Variants in SYNE1 observed in about 807,000 individuals in gnomAD.
SYNE1 encodes the protein spectrin repeat containing nuclear envelope protein 1.
Under a neutral mutation model 1,111.0 loss-of-function variants are expected in SYNE1, and 616 were observed. The ratio of observed to expected loss-of-function variants is 0.55; its 90% confidence interval spans 0.52 to 0.59. SYNE1 has a LOEUF of 0.59. SYNE1 is among the 20% of genes least tolerant of loss of function. The probability of loss-of-function intolerance (pLI) is 0.00; values close to 1 mark genes in which losing one functional copy is unlikely to be tolerated. For synonymous variants in SYNE1, 3,855 were observed against 3,825.8 expected, an observed-to-expected ratio of 1.01 and a Z score of -0.28; for missense variants, 10,006 against 10,417.0, an observed-to-expected ratio of 0.96 and a Z score of 1.72.
chr6:152,401,416 G>A (rs748910634), intron 46 of SYNE1, 75 bp from the exon 47 acceptor site: 13 of 1,442,664 alleles, frequency 9.0e-6, no homozygotes, highest in South Asian at 2.3e-5. Flanking sequence ...TTCTGTTCAC[G>A]TGCAGCTTAA....
intron 126 of SYNE1, among the ~76,000 whole-genome samples, chr6:152,203,474 C>T (rs1225736257): frequency 3.3e-5 from 5 of 152,140 alleles, no homozygotes; most frequent in Admixed American, 1.3e-4. Context: ...CTCCATACAC[C>T]GTGAATTACA....
chr6:152,386,146 A>T (rs2097523849), intron 54 of SYNE1, among the ~76,000 whole-genome samples: 1 of 152,178 alleles, frequency 6.6e-6, no homozygotes, highest in Non-Finnish European at 1.5e-5. Flanking sequence ...TAACCATTCT[A>T]ATTAAAGCAA....
At position 152,269,144 on chromosome 6, in the gene SYNE1, A is replaced by C; in HGVS notation, c.18705+11T>G. 6.2e-7 allele frequency: 1 copy of C among 1,614,190 alleles called. No homozygotes were observed. Among genetic ancestry groups the C allele is most frequent in the African/African-American group, 1.3e-5 (1 of 75,050 alleles). On this transcript the variant is annotated intron_variant, in intron 99 of 145. Transcript: ENST00000367255. ...GATCTGCAAGCTAGAGAGAGGTAGG[A>C]AACACTTTACTTTTTGTTGCTGGAG...
chr6:152,602,425 C>A (rs1202395234), intron 3 of SYNE1, among the ~76,000 whole-genome samples: 2 of 152,120 alleles, frequency 1.3e-5, no homozygotes, highest in East Asian at 3.9e-4. Flanking sequence ...GAAGGAGTCA[C>A]CCTACTGAAA....
In SYNE1 at chr6:152,383,938, T is replaced by C. The variant is rs139856516; in HGVS notation, c.8652+1736A>G. 5.5e-3 allele frequency among the ~76,000 whole-genome samples: 837 copies of C among 152,330 alleles called. 3 individuals are homozygous for C. Among genetic ancestry groups the C allele is most frequent in the South Asian group, 8.1e-3 (39 of 4,822 alleles). On this transcript the variant is annotated intron_variant, in intron 55 of 145. Transcript: ENST00000367255. ...TTTTCCTCAGGTGGTAATAGTCCTG[T>C]GGATTCTAGGCAAAGACTTGACCAT...
intron 16 of SYNE1, among the ~76,000 whole-genome samples, chr6:152,470,003 C>T (rs544416603): frequency 5.3e-5 from 8 of 152,158 alleles, no homozygotes; most frequent in South Asian, 2.1e-4. Context: ...AAAAGAAACA[C>T]GAGTGATAAG....
intron 3 of SYNE1, among the ~76,000 whole-genome samples, chr6:152,551,387 C>T (rs1039135213): frequency 6.6e-6 from 1 of 152,144 alleles, no homozygotes; most frequent in East Asian, 1.9e-4. Context: ...CAGACTCTTA[C>T]CCTAATCTAA....
intron 15 of SYNE1, 135 bp downstream of exon 15, chr6:152,472,166 A>C: frequency 1.4e-6 from 1 of 725,910 alleles, no homozygotes. Flanking sequence ...AGCATGTCTT[A>C]TGGGAGCCCG....
Position 152,404,295 on chromosome 6 carries a change from G to A in SYNE1, c.6743C>T (p.Ala2248Val). The A allele has an allele frequency of 6.2e-7, 1 of 1,612,034 alleles. No homozygotes were observed. The highest frequency in any genetic ancestry group is 2.2e-5 in the East Asian group (1 of 44,716). Residue 2248 changes from alanine to valine, a missense_variant, in exon 46 of 146, where the codon GCA becomes GTA. Ala to Val is a moderately conservative substitution (Grantham distance 64, BLOSUM62 0). Around this residue, in one of 7 missense-constraint regions of SYNE1, gnomAD observed 4,955 missense variants for 5,017.2 expected, o/e 0.99. Transcript: ENST00000367255. ...GGAATGCAGTTCTTCCAATCTCAAT[G>A]CTTTGTTTTTAACTTCAGACTGCCA... ...KEFESEVKNK[A>V]LRLEELHSKV...
intron 3 of SYNE1, among the ~76,000 whole-genome samples, chr6:152,551,983 C>T (rs2099348592): frequency 6.6e-6 from 1 of 152,190 alleles, no homozygotes; most frequent in Admixed American, 6.5e-5. Flanking sequence ...GTTATGAGCT[C>T]TTAGCAATAC....
chr6:152,175,395 G>T (rs1405232400), intron 130 of SYNE1, among the ~76,000 whole-genome samples: 4 of 152,204 alleles, frequency 2.6e-5, no homozygotes, highest in African/African-American at 9.6e-5. Context: ...CACATGGTAC[G>T]CAGAGGACAT....
At chr6:152,465,760 A>AACACACACACACACACACAC (rs113781129) in intron 17 of SYNE1, among the ~76,000 whole-genome samples, 43 of 133,314 alleles carry the variant, frequency 3.2e-4, no homozygotes, top group African/African-American at 1.2e-3. Context: ...CTCTTAGAAG[A>AACACACACACACACACACAC]ACACATACAC....
intron 126 of SYNE1, among the ~76,000 whole-genome samples, chr6:152,204,844 C>T (rs1384454125): frequency 1.3e-5 from 2 of 152,102 alleles, no homozygotes; most frequent in Non-Finnish European, 2.9e-5. Flanking sequence ...GTGACTCAGA[C>T]ATCATGCCTT....
intron 3 of SYNE1, among the ~76,000 whole-genome samples, chr6:152,591,407 G>A (rs2099564552): frequency 1.3e-5 from 2 of 152,172 alleles, no homozygotes; most frequent in South Asian, 4.1e-4. Context: ...CAAGCAATGG[G>A]AAAAGGACTT....
At chr6:152,169,650 CA>C (rs2064659371) in intron 130 of SYNE1, among the ~76,000 whole-genome samples, 1 of 54,472 alleles carries the variant, frequency 1.8e-5, no homozygotes, top group African/African-American at 7.1e-5. Context: ...AAAAAAAAAT[CA>C]AAAGATTATC....
rs1177056355 is a variant in SYNE1 at position 152,207,490 on chromosome 6, T to C, written c.22824+482A>G. Among the ~76,000 whole-genome samples, 5 of 152,130 alleles carry C rather than the reference T, an allele frequency of 3.3e-5. No individual in the cohort carries two copies. The East Asian group carries it at 9.6e-4, about 29-fold the overall frequency. ...GTGACTTTAAGGGAAGAGGAACTCATTGGATACACTGGGGAGAACTCACTA... is the reference window on the plus strand; with the variant it reads ...GTGACTTTAAGGGAAGAGGAACTCACTGGATACACTGGGGAGAACTCACTA... On this transcript the variant is annotated intron_variant, in intron 125 of 145. Transcript: ENST00000367255.
At chr6:152,557,937 G>A (rs1303392779) in intron 3 of SYNE1, among the ~76,000 whole-genome samples, 1 of 152,088 alleles carries the variant, frequency 6.6e-6, no homozygotes, top group Non-Finnish European at 1.5e-5. Context: ...CTGTAATGGT[G>A]CCATACAAGT....
chr6:152,128,387 TG>T (rs2054256987), intron 145 of SYNE1: 1 of 152,238 alleles, frequency 6.6e-6, no homozygotes, highest in South Asian at 2.1e-4. Context: ...AGTCTTTTAA[TG>T]GTAGGAATCA....
At chr6:152,160,563 T>C (rs1225306945) in intron 131 of SYNE1, among the ~76,000 whole-genome samples, 1 of 152,200 alleles carries the variant, frequency 6.6e-6, no homozygotes, top group African/African-American at 2.4e-5. Context: ...ATGCAGCATA[T>C]ATAGCATAGT....
Sources: allele counts gnomAD v4.1 joint callset (sites outside exome capture counted in the v4.1 genomes callset), GRCh38; gene constraint gnomAD v4.1.1; regional missense constraint gnomAD v4.1.1; transcripts MANE v1.5; gene names NCBI Gene and HGNC (gene_info 2026-07-23, HGNC 2026-07-21).